RTN4: variants seen among roughly 807,000 people sequenced by gnomAD.
RTN4 encodes reticulon-4.
A neutral mutation model predicts 90.4 loss-of-function variants in RTN4; 32 were observed. The observed-to-expected ratio is 0.35, with a 90% CI of 0.27 to 0.48. RTN4 has a LOEUF of 0.48. Ranked by LOEUF, RTN4 falls within the 20% of genes least tolerant of loss-of-function variation. The pLI, the probability that RTN4 is intolerant of heterozygous loss-of-function variation, is 0.99. For synonymous variants in RTN4, 629 were observed against 552.5 expected (o/e 1.14, Z -1.94); for missense variants, 1,706 against 1,430.2 (o/e 1.19, Z -3.11).
intron 4 of RTN4, among the ~76,000 whole-genome samples, chr2:54,983,881 A>G (rs1171229887): frequency 6.6e-6 from 1 of 152,232 alleles, no homozygotes; most frequent in Non-Finnish European, 1.5e-5. Flanking sequence ...AAATTTGAGA[A>G]ACAGACTTTC....
rs571462308 is a variant in RTN4, at chr2:54,993,669, G to C, written c.3014-5971C>G. ...ATATGTAAGCAGCTACATGAGAGTA[G>C]CTCAAAGCAGGTATCATGACAGACA... On this transcript the variant is annotated intron_variant, in intron 3 of 8. Transcript: ENST00000337526. Among the ~76,000 whole-genome samples, 47 of 152,298 alleles carry C rather than the reference G, an allele frequency of 3.1e-4. No individual in the cohort carries two copies. The South Asian group carries it at 7.7e-3, about 25-fold the overall frequency.
chr2:55,134,093 G>C, the RTN4 span, among the ~76,000 whole-genome samples: 1 of 152,128 alleles, frequency 6.6e-6, no homozygotes, highest in Non-Finnish European at 1.5e-5. Context: ...ACTTCCAGAC[G>C]GTTGCCATGG....
At chr2:55,021,021 G>A (rs1057258309) in intron 3 of RTN4, among the ~76,000 whole-genome samples, 10 of 152,028 alleles carry the variant, frequency 6.6e-5, no homozygotes, top group African/African-American at 2.4e-4. Context: ...GAACATATGA[G>A]ATAATAAATG....
chr2:55,007,048 G>A (rs1452508970), intron 3 of RTN4, among the ~76,000 whole-genome samples: 2 of 151,992 alleles, frequency 1.3e-5, no homozygotes, highest in Non-Finnish European at 2.9e-5. Context: ...AATTCAAAGC[G>A]TCTGAAACTC....
chr2:55,123,575 C>T, the RTN4 span, among the ~76,000 whole-genome samples: 16 of 151,854 alleles, frequency 1.1e-4, no homozygotes, highest in Non-Finnish European at 1.2e-4. Flanking sequence ...CTTTTGATGA[C>T]CTCATAAATG....
chr2:55,130,991 C>G, the RTN4 span, among the ~76,000 whole-genome samples: 4 of 152,152 alleles, frequency 2.6e-5, no homozygotes, highest in Non-Finnish European at 5.9e-5. Context: ...AAGTCCTGGG[C>G]CCCCATCTGT....
chr2:55,066,179 GTGTGTGTGTGTGTT>G (rs1296740103), intron 2 of RTN4, among the ~76,000 whole-genome samples: 20 of 115,902 alleles, frequency 1.7e-4, no homozygotes, highest in African/African-American at 6.2e-4. Context: ...TTGTGTGTGT[GTGTGTGTGTGTGTT>G]TGTGTGTGTG....
At position 55,026,397 on chromosome 2, in the gene RTN4, C is replaced by A; in HGVS notation, c.1702G>T (p.Gly568Cys). 6.2e-7 allele frequency: 1 copy of A among 1,613,830 alleles called. No homozygotes were observed. Among genetic ancestry groups the A allele is most frequent in the South Asian group, 1.1e-5 (1 of 91,076 alleles). ...ACESELNEVT[G>C]TKIAYETKMD... ...TTTGTTTCATAAGCAATCTTTGTAC[C>A]AGTAACTTCATTCAATTCACTTTCA... is the stretch of plus-strand genomic sequence containing the variant. The change falls in exon 3 of 9, where the codon GGT becomes TGT. Residue 568 changes from glycine to cysteine, a missense_variant. Gly to Cys is a radical substitution (Grantham distance 159). Coordinates refer to ENST00000337526, the MANE Select transcript of RTN4 (RefSeq NM_020532.5).
At chr2:55,033,402 T>G (rs995072770) in intron 1 of RTN4, among the ~76,000 whole-genome samples, 3 of 152,168 alleles carry the variant, frequency 2.0e-5, no homozygotes, top group Non-Finnish European at 2.9e-5. Flanking sequence ...CTCACTAAAT[T>G]TGTAGCCCCA....
intron 2 of RTN4, among the ~76,000 whole-genome samples, chr2:55,070,681 C>T (rs1306505700): frequency 6.6e-6 from 1 of 151,808 alleles, no homozygotes; most frequent in Non-Finnish European, 1.5e-5. Context: ...TTAAAAATCA[C>T]CGGTCTATTA....
chr2:55,095,105 C>T (rs1021925373), intron 1 of RTN4, among the ~76,000 whole-genome samples: 3 of 152,084 alleles, frequency 2.0e-5, no homozygotes, highest in African/African-American at 7.2e-5. Context: ...GGTGGATCAC[C>T]TGACTTCAGG....
intron 1 of RTN4, 67 bp from the exon 2 acceptor site, chr2:55,028,287 A>C: frequency 1.4e-6 from 2 of 1,420,200 alleles, no homozygotes. Context: ...TAAAGATAAG[A>C]GGAGCAAGCC....
intron 1 of RTN4, among the ~76,000 whole-genome samples, chr2:55,029,124 T>C (rs988099252): frequency 7.9e-5 from 12 of 152,138 alleles, no homozygotes; most frequent in African/African-American, 2.9e-4. Flanking sequence ...CTTGCTGTCA[T>C]GCTCCCTGTC....
At chr2:55,070,945 T>G (rs1211308569) in intron 2 of RTN4, among the ~76,000 whole-genome samples, 1 of 151,788 alleles carries the variant, frequency 6.6e-6, no homozygotes. Context: ...CCTGGCTAAT[T>G]TTTTGTATTT....
At position 54,991,285 on chromosome 2, in the gene RTN4, A is replaced by C. The variant is rs534354751; in HGVS notation, c.3014-3587T>G. On this transcript the variant is annotated intron_variant, in intron 3 of 8. Transcript: ENST00000337526. ...ATGACTTTAGATTTGAGAGGTTTGC[A>C]CTGTACAACATAAATTAATGTCTAA... is the stretch of plus-strand genomic sequence containing the variant. Among the ~76,000 whole-genome samples, 9 of 152,346 alleles carry C rather than the reference A, an allele frequency of 5.9e-5. No individual in the cohort carries two copies. The East Asian group carries it at 1.7e-3, about 29-fold the overall frequency.
intron 2 of RTN4, among the ~76,000 whole-genome samples, chr2:55,057,197 T>G (rs1668205499): frequency 6.6e-6 from 1 of 152,142 alleles, no homozygotes; most frequent in African/African-American, 2.4e-5. Flanking sequence ...AACCATACAG[T>G]GGTATTAAAT....
chr2:55,004,329 A>C (rs559331287), intron 3 of RTN4, among the ~76,000 whole-genome samples: 12 of 152,318 alleles, frequency 7.9e-5, no homozygotes, highest in African/African-American at 2.6e-4. Flanking sequence ...TTGGTTATTC[A>C]AGTGCAAATA....
chr2:55,085,087 G>A (rs1668811272), intron 1 of RTN4, among the ~76,000 whole-genome samples: 1 of 152,206 alleles, frequency 6.6e-6, no homozygotes, highest in African/African-American at 2.4e-5. Flanking sequence ...ACTGCACCTA[G>A]CTCTTTGTTG....
chr2:55,007,524 A>C (rs1680316776), intron 3 of RTN4, among the ~76,000 whole-genome samples: 1 of 152,138 alleles, frequency 6.6e-6, no homozygotes, highest in South Asian at 2.1e-4. Context: ...GCAGCACGCA[A>C]ATGAGGAAAT....
Sources: gnomAD v4.1 joint callset for allele counts (sites outside exome capture counted in the v4.1 genomes callset) on GRCh38, gnomAD v4.1.1 for gene constraint, MANE v1.5 for transcripts, NCBI Gene and HGNC (gene_info 2026-07-23, HGNC 2026-07-21) for gene names.